Variants in POLR1F observed in about 807,000 individuals in gnomAD.
The protein encoded by POLR1F is DNA-directed RNA polymerase I subunit RPA43.
POLR1F carries 23 observed loss-of-function variants against 21.8 expected under a neutral mutation model. The ratio of observed to expected loss-of-function variants is 1.05; its 90% confidence interval spans 0.76 to 1.49. The LOEUF (loss-of-function observed/expected upper bound fraction) is 1.49, where lower values mean the gene tolerates loss of function less well. POLR1F is among the 40% of genes most tolerant of loss of function. POLR1F has a pLI of 0.00. For missense variants in POLR1F, 435 were observed against 412.1 expected (o/e 1.06, Z -0.48); for synonymous variants, 162 against 152.8 (o/e 1.06, Z -0.45).
At position 19,698,745 on chromosome 7, in the gene POLR1F, A is replaced by C; in HGVS notation, c.606-18T>G. The C allele has an allele frequency of 6.7e-7, 1 of 1,498,570 alleles. No homozygotes were observed. The allele number at this position is 1,498,570 out of a possible 1,614,324, so 92.8% of individuals were successfully genotyped here. ...ATTGTAAACTATAAATTAACAGTTA[A>C]AAAAATTAACAGAACAATAAGCAAA... On this transcript the variant is annotated intron_variant, in intron 3 of 3. Coordinates refer to ENST00000222567, the MANE Select transcript of POLR1F (RefSeq NM_001002926.2).
rs772832513 is a variant in POLR1F, at chr7:19,698,473, ACTT to A, written c.857_859del (p.Glu286del). The A allele has an allele frequency of 8.1e-6, 13 of 1,612,192 alleles. No homozygotes were observed. In the Admixed American group the frequency reaches 2.2e-4, roughly 27 times the overall value. Reference sequence around the variant, plus strand: ...TTGGAAAACAGGGTCCTGGTCCTGAACTTCCTGGTGCTTTTTCTTCTTCTTCTT... The same window carrying A: ...TTGGAAAACAGGGTCCTGGTCCTGAACCTGGTGCTTTTTCTTCTTCTTCTT... On this transcript the variant is annotated inframe_deletion, in exon 4 of 4. Transcript: ENST00000222567.
At chr7:19,708,678 T>C (rs777339532) in intron 1 of POLR1F, 85 bp downstream of exon 1, 19 of 1,536,838 alleles carry the variant, frequency 1.2e-5, no homozygotes, top group African/African-American at 2.7e-5. Context: ...ACCTTTGCCA[T>C]TTGCCCCTTT....
In POLR1F at chr7:19,697,126, T is replaced by TG. The variant is rs1411396916; in HGVS notation, c.*1189dup. 6.6e-6 allele frequency: 1 copy of TG among 152,136 alleles called. No homozygotes were observed. The allele number at this position is 152,136 out of a possible 1,614,324, so 9.4% of individuals were successfully genotyped here. ...ATAAATGGCAACAAAAATGCTGACA[T>TG]GGGAGTTCAACCATTCATGCATTTG... On this transcript the variant is annotated 3_prime_UTR_variant, in exon 4 of 4. Transcript: ENST00000222567.
intron 1 of POLR1F, among the ~76,000 whole-genome samples, chr7:19,707,315 G>A (rs1291398671): frequency 6.6e-6 from 1 of 152,024 alleles, no homozygotes; most frequent in Non-Finnish European, 1.5e-5. Context: ...CTGAGAGGAC[G>A]GAGCACTAAC....
In POLR1F at chr7:19,695,556, G is replaced by C. The variant is rs1414380268; in HGVS notation, c.*2760C>G. On this transcript the variant is annotated 3_prime_UTR_variant, in exon 4 of 4. Transcript: ENST00000222567. Reference sequence around the variant, plus strand: ...TTCACTGTTAAATACTATAGATATAGTTAAGGCATAATTCCAGCCCTCAGG... The same window carrying C: ...TTCACTGTTAAATACTATAGATATACTTAAGGCATAATTCCAGCCCTCAGG... The C allele has an allele frequency of 6.6e-6, 1 of 152,040 alleles. No homozygotes were observed. Among genetic ancestry groups the C allele is most frequent in the Admixed American group, 6.6e-5 (1 of 15,262 alleles). The allele number at this position is 152,040 out of a possible 1,614,324, so 9.4% of individuals were successfully genotyped here.
chr7:19,697,880 C>CTGAG lies in POLR1F; in HGVS notation c.*432_*435dup, dbSNP rs1783391883. 1 of 152,644 alleles carries CTGAG rather than the reference C, an allele frequency of 6.6e-6. No individual in the cohort carries two copies. The highest frequency in any genetic ancestry group is 1.5e-5 in the Non-Finnish European group (1 of 68,418). 9.5% of individuals were successfully genotyped at this position (152,644 alleles called of 1,614,324 possible). A position where few individuals can be genotyped will look rare whatever the true frequency, so the allele number is the denominator to read the frequency against. On this transcript the variant is annotated 3_prime_UTR_variant, in exon 4 of 4. Coordinates refer to ENST00000222567, the MANE Select transcript of POLR1F (RefSeq NM_001002926.2). ...GGAAAACCTAAAATTAGTTAATGTCCTGAGTTTTTAAAAAAGCAAAATAAA... is the reference window on the plus strand; with the variant it reads ...GGAAAACCTAAAATTAGTTAATGTCCTGAGTGAGTTTTTAAAAAAGCAAAATAAA...
Position 19,698,505 on chromosome 7 carries a change from C to A in POLR1F, c.828G>T (p.Lys276Asn), listed in dbSNP as rs369646007. The A allele has an allele frequency of 3.7e-6, 6 of 1,606,114 alleles. No individual in the cohort carries two copies. In the African/African-American group the frequency reaches 6.8e-5, roughly 18 times the overall value. Residue 276 changes from lysine (K) to asparagine (N), a missense_variant, in exon 4 of 4, where the codon AAG (lysine) becomes AAT (asparagine). Transcript: ENST00000222567. ...NANGIWEEEPKKKKKKKKHQE... is the reference protein window; with the variant it reads ...NANGIWEEEPNKKKKKKKHQE... Reference sequence around the variant, plus strand: ...GGTGCTTTTTCTTCTTCTTCTTTTTCTTTGGCTCCTCCTCCCAGATGCCAT... The same window carrying A: ...GGTGCTTTTTCTTCTTCTTCTTTTTATTTGGCTCCTCCTCCCAGATGCCAT...
chr7:19,705,002 C>T, intron 1 of POLR1F, 82 bp from the exon 2 acceptor site: 2 of 1,422,814 alleles, frequency 1.4e-6, no homozygotes, highest in South Asian at 3.0e-5. Context: ...CTTGCTCTGT[C>T]ACCCAGGATA....
In POLR1F at chr7:19,695,473, C is replaced by T. The variant is rs1166029252; in HGVS notation, c.*2843G>A. 2 of 150,506 alleles carry T rather than the reference C, an allele frequency of 1.3e-5. No homozygotes were observed. The highest frequency in any genetic ancestry group is 2.1e-4 in the South Asian group (1 of 4,758). The allele number at this position is 150,506 out of a possible 1,614,324, so 9.3% of individuals were successfully genotyped here. A position where few individuals can be genotyped will look rare whatever the true frequency, so the allele number is the denominator to read the frequency against. On this transcript the variant is annotated 3_prime_UTR_variant, in exon 4 of 4. Transcript: ENST00000222567. Reference sequence around the variant, plus strand: ...AGAGGCCAAGTGATACCATTTGAAACTGTGCTTTTTATTTATCAATTTAAA... The same window carrying T: ...AGAGGCCAAGTGATACCATTTGAAATTGTGCTTTTTATTTATCAATTTAAA...
At position 19,696,024 on chromosome 7, in the gene POLR1F, A is replaced by C. The variant is rs1472423931; in HGVS notation, c.*2292T>G. ...ACTGGTGACTAGTGAGGTGTCTTGC[A>C]CAGTGAAATGGGTGAATGATAGGAA... On this transcript the variant is annotated 3_prime_UTR_variant, in exon 4 of 4. Coordinates refer to ENST00000222567, the MANE Select transcript of POLR1F (RefSeq NM_001002926.2). 3 of 152,172 alleles carry C rather than the reference A, an allele frequency of 2.0e-5. No homozygotes were observed. The highest frequency in any genetic ancestry group is 4.4e-5 in the Non-Finnish European group (3 of 67,982). 9.4% of individuals were successfully genotyped at this position (152,172 alleles called of 1,614,324 possible).
intron 2 of POLR1F, among the ~76,000 whole-genome samples, chr7:19,703,592 G>A (rs764620387): frequency 6.6e-5 from 10 of 151,926 alleles, no homozygotes; most frequent in Admixed American, 3.9e-4. Flanking sequence ...TGTTATTTCC[G>A]TGTATGTGTG....
chr7:19,707,859 A>G (rs1010154106), intron 1 of POLR1F, among the ~76,000 whole-genome samples: 1 of 152,220 alleles, frequency 6.6e-6, no homozygotes, highest in Admixed American at 6.5e-5. Context: ...CAGATTCTAG[A>G]CATGGGTGGA....
At position 19,708,655 on chromosome 7, in the gene POLR1F, G is replaced by A. The variant is rs1661698540; in HGVS notation, c.254+108C>T. On this transcript the variant is annotated intron_variant, in intron 1 of 3. Transcript: ENST00000222567. ...CTAGAAATCCAGGGGGCTAAGCTCT[G>A]GGGGGCAATGCGACCTTTGCCATTT... 2.7e-6 allele frequency: 4 copies of A among 1,456,926 alleles called. No individual in the cohort carries two copies. The Admixed American group carries it at 5.6e-5, about 20-fold the overall frequency. The allele number at this position is 1,456,926 out of a possible 1,614,324, so 90.2% of individuals were successfully genotyped here. A position where few individuals can be genotyped will look rare whatever the true frequency, so the allele number is the denominator to read the frequency against.
chr7:19,696,044 T>C lies in POLR1F; in HGVS notation c.*2272A>G, dbSNP rs1783358649. 1.3e-5 allele frequency: 2 copies of C among 152,144 alleles called. No homozygotes were observed. Among genetic ancestry groups the C allele is most frequent in the Admixed American group, 6.5e-5 (1 of 15,282 alleles). The allele number at this position is 152,144 out of a possible 1,614,324, so 9.4% of individuals were successfully genotyped here. On this transcript the variant is annotated 3_prime_UTR_variant, in exon 4 of 4. Coordinates refer to ENST00000222567, the MANE Select transcript of POLR1F (RefSeq NM_001002926.2). ...CTTGCACAGTGAAATGGGTGAATGA[T>C]AGGAACTGGAGAGAGGGTAAGGGAT... is the stretch of plus-strand genomic sequence containing the variant.
At chr7:19,702,298 T>G (rs1387129941) in intron 2 of POLR1F, among the ~76,000 whole-genome samples, 1 of 152,188 alleles carries the variant, frequency 6.6e-6, no homozygotes, top group Non-Finnish European at 1.5e-5. Context: ...GTTAAAAATA[T>G]GTCAATTTCA....
In POLR1F at chr7:19,698,228, T is replaced by A. The variant is rs2128005891; in HGVS notation, c.*88A>T. On this transcript the variant is annotated 3_prime_UTR_variant, in exon 4 of 4. Coordinates refer to ENST00000222567, the MANE Select transcript of POLR1F (RefSeq NM_001002926.2). ...TTTTCTGTTTTGTAAACTACTGGCA[T>A]ACTTAACCTTTTCATATCACTGAAA... is the stretch of plus-strand genomic sequence containing the variant. 7.9e-7 allele frequency: 1 copy of A among 1,258,766 alleles called. No homozygotes were observed. The highest frequency in any genetic ancestry group is 2.6e-5 in the East Asian group (1 of 37,958). 78.0% of individuals were successfully genotyped at this position (1,258,766 alleles called of 1,614,324 possible). A position where few individuals can be genotyped will look rare whatever the true frequency, so the allele number is the denominator to read the frequency against.
At chr7:19,705,416 G>A (rs1045034730) in intron 1 of POLR1F, 1 of 154,280 alleles carries the variant, frequency 6.5e-6, no homozygotes, top group African/African-American at 2.4e-5. Flanking sequence ...GTTATACTAG[G>A]ATAGAAAGAA....
At chr7:19,704,571 T>C (rs1312935875) in intron 2 of POLR1F, among the ~76,000 whole-genome samples, 1 of 152,214 alleles carries the variant, frequency 6.6e-6, no homozygotes, top group East Asian at 1.9e-4. Context: ...ATGGGACATA[T>C]ATCGTGTGCA....
Position 19,698,368 on chromosome 7 carries a change from G to T in POLR1F, c.965C>A (p.Thr322Asn). 1 of 1,585,310 alleles carries T rather than the reference G, an allele frequency of 6.3e-7. No homozygotes were observed. The highest frequency in any genetic ancestry group is 8.5e-7 in the Non-Finnish European group (1 of 1,173,000). The change falls in exon 4 of 4, where the codon ACC becomes AAC. Residue 322 changes from threonine (T) to asparagine (N), a missense_variant. Physicochemically the swap from Thr to Asn is moderately conservative, Grantham distance 65. Transcript: ENST00000222567. ...TTTTGGTGAGCATTTCAAAGGTGGG[G>T]TAAATTCGGCCTCTTCACTGTGTTT... is the stretch of plus-strand genomic sequence containing the variant. ...KRKHSEEAEFTPPLKCSPKRK... is the reference protein window; with the variant it reads ...KRKHSEEAEFNPPLKCSPKRK...
Sources: gnomAD v4.1 joint callset for allele counts (sites outside exome capture counted in the v4.1 genomes callset) on GRCh38, gnomAD v4.1.1 for gene constraint, MANE v1.5 for transcripts, NCBI Gene and HGNC (gene_info 2026-07-23, HGNC 2026-07-21) for gene names.